The following ARLN variants were observed in gnomAD, a reference collection of about 807,000 sequenced individuals.
ARLN encodes the protein allregulin.
At chr4:119,304,221 C>T in the ARLN span, 1 of 1,496,524 alleles carries the variant, frequency 6.7e-7, no homozygotes, top group Non-Finnish European at 9.0e-7. Context: ...ATTGATCTCT[C>T]CATTCTTGGT....
chr4:119,299,375 G>A, the ARLN span, among the ~76,000 whole-genome samples: 10 of 152,190 alleles, frequency 6.6e-5, no homozygotes, highest in Non-Finnish European at 1.3e-4. Flanking sequence ...TGCCTATCAA[G>A]AAGTGAGAAT....
the ARLN span, chr4:119,304,159 C>G: frequency 1.1e-6 from 1 of 901,708 alleles, no homozygotes; most frequent in South Asian, 1.7e-5. Flanking sequence ...ACTCATCCTT[C>G]AGGGCCCCAC....
chr4:119,300,531 T>A, the ARLN span: 1 of 1,614,058 alleles, frequency 6.2e-7, no homozygotes, highest in Non-Finnish European at 8.5e-7. Context: ...TGCGTCCACC[T>A]CCATCTCGCT....
At chr4:119,296,504 A>G in the ARLN span, 1 of 152,214 alleles carries the variant, frequency 6.6e-6, no homozygotes, top group Non-Finnish European at 1.5e-5. Context: ...CGCAGACAGT[A>G]AGCCCAGGAA....
chr4:119,299,061 C>T, the ARLN span, among the ~76,000 whole-genome samples: 1 of 152,202 alleles, frequency 6.6e-6, no homozygotes, highest in South Asian at 2.1e-4. Context: ...TCCCTTTTGC[C>T]ATCCTCCCAT....
chr4:119,299,962 T>C, the ARLN span, among the ~76,000 whole-genome samples: 1 of 152,056 alleles, frequency 6.6e-6, no homozygotes, highest in Non-Finnish European at 1.5e-5. Context: ...ATCTCAATCT[T>C]CACTACACCC....
At chr4:119,301,693 C>A in the ARLN span, among the ~76,000 whole-genome samples, 2 of 152,022 alleles carry the variant, frequency 1.3e-5, no homozygotes, top group Non-Finnish European at 1.5e-5. Context: ...GTCATTAAAT[C>A]GTCGTAAAAC....
At chr4:119,298,930 A>AAAAT in the ARLN span, 1 of 500,282 alleles carries the variant, frequency 2.0e-6, no homozygotes, top group African/African-American at 2.0e-5. Flanking sequence ...TCAGGTCATA[A>AAAAT]AAACACACAC....
chr4:119,297,061 A>G, the ARLN span: 1 of 152,362 alleles, frequency 6.6e-6, no homozygotes, highest in Admixed American at 6.5e-5. Context: ...CTATATAAGT[A>G]AACATTTATT....
At chr4:119,300,851 C>T in the ARLN span, 39 of 1,425,738 alleles carry the variant, frequency 2.7e-5, no homozygotes, top group Non-Finnish European at 3.6e-5. Context: ...AATACGTTCT[C>T]GTCCCCCTGA....
chr4:119,300,821 A>G, the ARLN span: 1 of 1,437,494 alleles, frequency 7.0e-7, no homozygotes, highest in Non-Finnish European at 9.1e-7. Flanking sequence ...ATAGCTGGTT[A>G]TTCAGGTTTC....
chr4:119,300,715 T>C, the ARLN span: 1 of 1,525,636 alleles, frequency 6.6e-7, no homozygotes, highest in Non-Finnish European at 8.8e-7. Context: ...GGCTCGGCTT[T>C]CCGCTGCCTC....
At chr4:119,303,829 T>C in the ARLN span, among the ~76,000 whole-genome samples, 9 of 152,200 alleles carry the variant, frequency 5.9e-5, no homozygotes, top group Non-Finnish European at 1.2e-4. Flanking sequence ...TGAACTGTTA[T>C]TGTGCCACTG....
At chr4:119,299,307 A>G in the ARLN span, among the ~76,000 whole-genome samples, 7 of 152,220 alleles carry the variant, frequency 4.6e-5, no homozygotes. Context: ...GTGAGGCTTA[A>G]GACACCCAAA....
the ARLN span, chr4:119,304,211 A>G: frequency 1.1e-5 from 16 of 1,473,134 alleles, no homozygotes; most frequent in South Asian, 2.5e-5. Context: ...TACAATTCAC[A>G]TTGATCTCTC....
the ARLN span, among the ~76,000 whole-genome samples, chr4:119,301,564 C>T: frequency 1.3e-5 from 2 of 152,274 alleles, no homozygotes; most frequent in Admixed American, 1.3e-4. Flanking sequence ...TTCAAATATT[C>T]TCTTTCTTGT....
At chr4:119,300,606 G>A in the ARLN span, 10 of 1,606,988 alleles carry the variant, frequency 6.2e-6, no homozygotes, top group East Asian at 1.6e-4. Context: ...GGTGTTCGCC[G>A]CACCGGAAAC....
the ARLN span, chr4:119,300,751 C>T: frequency 1.3e-6 from 2 of 1,499,090 alleles, no homozygotes; most frequent in South Asian, 1.3e-5. Flanking sequence ...GAAGCGCGGC[C>T]TCCGCCTTGA....
At chr4:119,301,623 A>G in the ARLN span, among the ~76,000 whole-genome samples, 1 of 152,282 alleles carries the variant, frequency 6.6e-6, no homozygotes, top group East Asian at 1.9e-4. Flanking sequence ...ACCCAGACAT[A>G]TAAGTGGTTC....
Sources: gnomAD v4.1 joint callset for allele counts (sites outside exome capture counted in the v4.1 genomes callset) on GRCh38, gnomAD v4.1.1 for gene constraint, MANE v1.5 for transcripts, NCBI Gene and HGNC (gene_info 2026-07-23, HGNC 2026-07-21) for gene names.